AGAP1: variants seen among roughly 807,000 people sequenced by gnomAD.
The protein encoded by AGAP1 is arf-GAP with GTPase, ANK repeat and PH domain-containing protein 1.
AGAP1 carries 29 observed loss-of-function variants against 105.3 expected under a neutral mutation model. That is an observed-to-expected ratio of 0.28 (90% CI 0.21 to 0.38). AGAP1 has a LOEUF of 0.38. AGAP1 is among the 10% of genes least tolerant of loss of function. AGAP1 has a pLI of 1.00. For synonymous variants in AGAP1, 509 were observed against 485.9 expected, an observed-to-expected ratio of 1.05 and a Z score of -0.63; for missense variants, 998 against 1,165.1, an observed-to-expected ratio of 0.86 and a Z score of 2.09.
rs138168699 is a variant in AGAP1 at position 235,716,104 on chromosome 2, T to C, written c.223-1453T>C. ...CATCCAACCTTCTATCAATGAGTTATGATTCCAGAGTCTGCAGGGTGTCTC... is the reference window on the plus strand; with the variant it reads ...CATCCAACCTTCTATCAATGAGTTACGATTCCAGAGTCTGCAGGGTGTCTC... On this transcript the variant is annotated intron_variant, in intron 2 of 17. Transcript: ENST00000304032. This position sits in a 1 kb window ranked among gnomAD's most constrained non-coding sequence, Gnocchi z 4.0. 8.6e-4 allele frequency among the ~76,000 whole-genome samples: 131 copies of C among 152,312 alleles called. No homozygotes were observed. The highest frequency in any genetic ancestry group is 8.8e-4 in the Non-Finnish European group (60 of 68,038).
At chr2:235,667,466 T>A (rs1421799640) in intron 1 of AGAP1, among the ~76,000 whole-genome samples, 2 of 151,312 alleles carry the variant, frequency 1.3e-5, no homozygotes, top group Non-Finnish European at 2.9e-5. Flanking sequence ...AAAAAAAAAA[T>A]GAGCACAGGC....
chr2:235,807,455 C>T, intron 9 of AGAP1, 124 bp downstream of exon 9: 2 of 754,266 alleles, frequency 2.7e-6, no homozygotes, highest in Non-Finnish European at 4.1e-6. Context: ...GTAGAAGTCT[C>T]TCACTTGACA....
In AGAP1 at chr2:235,740,018, C is replaced by T. The variant is rs538375134; in HGVS notation, c.311-945C>T. On this transcript the variant is annotated intron_variant, in intron 3 of 17. Coordinates refer to ENST00000304032, the MANE Select transcript of AGAP1 (RefSeq NM_001037131.3). This position sits in a 1 kb window ranked among gnomAD's most constrained non-coding sequence, Gnocchi z 5.7. Reference sequence around the variant, plus strand: ...GGAAGACAAGAGCTGGGAACCGATGCGTGCCTTCCCTCTTTAAAACAAGAG... The same window carrying T: ...GGAAGACAAGAGCTGGGAACCGATGTGTGCCTTCCCTCTTTAAAACAAGAG... Among the ~76,000 whole-genome samples the T allele has an allele frequency of 3.3e-5, 5 of 152,144 alleles. No individual in the cohort carries two copies. The highest frequency in any genetic ancestry group is 2.1e-4 in the South Asian group (1 of 4,820).
chr2:235,886,520 T>G (rs10929151), intron 10 of AGAP1, among the ~76,000 whole-genome samples: 3,367 of 152,350 alleles, frequency 0.022, 122 homozygotes, highest in African/African-American at 0.074. Context: ...GGCTTTTTTT[T>G]GTGATGTCCC....
intron 1 of AGAP1, among the ~76,000 whole-genome samples, chr2:235,607,439 C>T (rs1191427468): frequency 1.3e-5 from 2 of 152,242 alleles, no homozygotes; most frequent in African/African-American, 4.8e-5. Context: ...CCCACAGCAA[C>T]AAGCAAACTC....
chr2:235,676,938 G>A (rs1197948594), intron 1 of AGAP1, among the ~76,000 whole-genome samples: 1 of 152,174 alleles, frequency 6.6e-6, no homozygotes, highest in Non-Finnish European at 1.5e-5. Flanking sequence ...AGCAAAAAGG[G>A]AGGAGATTAT....
intron 3 of AGAP1, among the ~76,000 whole-genome samples, chr2:235,738,314 C>T (rs1444056579): frequency 6.6e-6 from 1 of 151,984 alleles, no homozygotes; most frequent in African/African-American, 2.4e-5. Context: ...GTTCTAAGAG[C>T]TTTTCATGCA....
intron 1 of AGAP1, among the ~76,000 whole-genome samples, chr2:235,678,694 G>T (rs1310035734): frequency 6.6e-6 from 1 of 152,066 alleles, no homozygotes; most frequent in East Asian, 1.9e-4. Context: ...GAAGATATTT[G>T]TCTGGAGTTT....
At chr2:235,592,530 C>T (rs559723211) in intron 1 of AGAP1, among the ~76,000 whole-genome samples, 5 of 152,254 alleles carry the variant, frequency 3.3e-5, no homozygotes, top group Admixed American at 1.3e-4. Flanking sequence ...CGGCTTGTGG[C>T]ATGAGCTCTT....
chr2:235,709,213 T>G lies in AGAP1; in HGVS notation c.198T>G (p.Ser66Arg). ...TGAACAGCCAGGAATGGACGCTGAG[T>G]CGATCTGTCCCGGAGCTCAAAGTGG... ...AFVNSQEWTL[S>R]RSVPELKVGI... The change falls in exon 2 of 18, where the codon AGT becomes AGG. Residue 66 changes from serine (S) to arginine (R), a missense_variant. By Grantham distance (110) the Ser-to-Arg change is moderately radical. Transcript: ENST00000304032. The G allele has an allele frequency of 6.2e-7, 1 of 1,614,062 alleles. No individual in the cohort carries two copies. The highest frequency in any genetic ancestry group is 8.5e-7 in the Non-Finnish European group (1 of 1,180,008).
chr2:236,051,510 G>T lies in AGAP1; in HGVS notation c.2114+2229G>T, dbSNP rs565043367. ...GGGCCAGGGGACCAGGTGGGAAGGC[G>T]GGCTGGAGGGTGGGAGTGGCCTCGG... On this transcript the variant is annotated intron_variant, in intron 16 of 17. Coordinates refer to ENST00000304032, the MANE Select transcript of AGAP1 (RefSeq NM_001037131.3). This position sits in a 1 kb window ranked among gnomAD's most constrained non-coding sequence, Gnocchi z 5.9. 3.3e-5 allele frequency among the ~76,000 whole-genome samples: 5 copies of T among 152,128 alleles called. No homozygotes were observed. Among genetic ancestry groups the T allele is most frequent in the African/African-American group, 1.2e-4 (5 of 41,420 alleles).
intron 9 of AGAP1, among the ~76,000 whole-genome samples, chr2:235,861,803 T>C (rs1477207980): frequency 6.6e-6 from 1 of 152,234 alleles, no homozygotes; most frequent in Non-Finnish European, 1.5e-5. Context: ...TCTGTGCATA[T>C]CTGTATCTTA....
rs1384122571 is a variant in AGAP1 at position 235,919,043 on chromosome 2, G to A, written c.1324+10137G>A. ...CTTTTTTTCTCTCAAAAATGTGTGT[G>A]GGCAGGGAGGAATAGTGTTTCAGCT... On this transcript the variant is annotated intron_variant, in intron 11 of 17. Coordinates refer to ENST00000304032, the MANE Select transcript of AGAP1 (RefSeq NM_001037131.3). The surrounding 1 kb of genome is among the most constrained non-coding windows in gnomAD (Gnocchi z 4.1). 6.6e-6 allele frequency among the ~76,000 whole-genome samples: 1 copy of A among 152,152 alleles called. No individual in the cohort carries two copies. The highest frequency in any genetic ancestry group is 2.1e-4 in the South Asian group (1 of 4,826).
chr2:235,898,080 G>GCT (rs2050891929), intron 10 of AGAP1, among the ~76,000 whole-genome samples: 1 of 152,218 alleles, frequency 6.6e-6, no homozygotes, highest in Admixed American at 6.5e-5. Flanking sequence ...ACAACTCTAG[G>GCT]CTAAAAATCC....
At chr2:235,999,524 G>A (rs542001027) in intron 13 of AGAP1, among the ~76,000 whole-genome samples, 2 of 146,756 alleles carry the variant, frequency 1.4e-5, no homozygotes, top group East Asian at 4.0e-4. Context: ...TGGTGGTGGT[G>A]GTGATGATGA....
chr2:235,576,594 C>T (rs537890071), intron 1 of AGAP1, among the ~76,000 whole-genome samples: 3 of 152,260 alleles, frequency 2.0e-5, no homozygotes, highest in Non-Finnish European at 2.9e-5. Flanking sequence ...CCCAAGTGGT[C>T]GTGCTGTGCC....
At chr2:235,884,060 T>TA (rs1167393666) in intron 10 of AGAP1, among the ~76,000 whole-genome samples, 3 of 152,184 alleles carry the variant, frequency 2.0e-5, no homozygotes, top group Non-Finnish European at 4.4e-5. Context: ...TGATAAAATA[T>TA]AAAAAAATGC....
intron 1 of AGAP1, among the ~76,000 whole-genome samples, chr2:235,512,635 C>A (rs1266463146): frequency 6.6e-6 from 1 of 152,162 alleles, no homozygotes; most frequent in Non-Finnish European, 1.5e-5. Context: ...CCATGCGCGT[C>A]CTCCCCCATT....
rs1389819578 is a variant in AGAP1, at chr2:235,609,022, G to A, written c.164-100157G>A. 6.6e-6 allele frequency among the ~76,000 whole-genome samples: 1 copy of A among 152,106 alleles called. No individual in the cohort carries two copies. The highest frequency in any genetic ancestry group is 1.5e-5 in the Non-Finnish European group (1 of 68,024). ...AGAGCAAATTTAAGAAGCTAAGGAG[G>A]GAGGAAGGAGGCAGTGGTAAGTTCT... On this transcript the variant is annotated intron_variant, in intron 1 of 17. Transcript: ENST00000304032. This position sits in a 1 kb window ranked among gnomAD's most constrained non-coding sequence, Gnocchi z 5.1.
Sources: gnomAD v4.1 joint callset for allele counts (sites outside exome capture counted in the v4.1 genomes callset) on GRCh38, gnomAD v4.1.1 for gene constraint, Gnocchi (gnomAD v3.1) non-coding constraint, MANE v1.5 for transcripts, NCBI Gene and HGNC (gene_info 2026-07-23, HGNC 2026-07-21) for gene names.